The following EBF1 variants were observed in gnomAD, a reference collection of about 807,000 sequenced individuals.
EBF1 encodes the protein EBF transcription factor 1, also known as transcription factor COE1.
In EBF1, 10 loss-of-function variants were observed where a neutral mutation model predicts 68.4. That is an observed-to-expected ratio of 0.15 (90% CI 0.09 to 0.25). The LOEUF is 0.25. Ranked by LOEUF, EBF1 falls within the 10% of genes least tolerant of loss-of-function variation. EBF1 has a pLI of 1.00. For synonymous variants in EBF1, 298 were observed against 299.8 expected (o/e 0.99, Z 0.06); for missense variants, 509 against 794.4 (o/e 0.64, Z 4.32).
intron 10 of EBF1, among the ~76,000 whole-genome samples, chr5:158,746,940 A>G (rs534121328): frequency 1.3e-5 from 2 of 152,280 alleles, no homozygotes; most frequent in Admixed American, 1.3e-4. Context: ...AATATACTGG[A>G]TTGCATTTTT....
intron 9 of EBF1, among the ~76,000 whole-genome samples, chr5:158,789,704 AG>A (rs1170432316): frequency 6.6e-6 from 1 of 152,194 alleles, no homozygotes; most frequent in Non-Finnish European, 1.5e-5. Flanking sequence ...GACTGAAAAA[AG>A]GTTTCTCAAG....
chr5:159,066,390 C>G (rs888144478), intron 6 of EBF1, among the ~76,000 whole-genome samples: 1 of 152,094 alleles, frequency 6.6e-6, no homozygotes, highest in Non-Finnish European at 1.5e-5. Context: ...GCAACTGGAA[C>G]CAAGCACTTC....
chr5:158,776,546 T>C (rs969966639), intron 10 of EBF1, among the ~76,000 whole-genome samples: 3 of 152,174 alleles, frequency 2.0e-5, no homozygotes, highest in Non-Finnish European at 2.9e-5. Context: ...TGTGGTCTTT[T>C]ACTGAATGGA....
intron 7 of EBF1, among the ~76,000 whole-genome samples, chr5:158,832,575 T>C (rs17715000): frequency 0.55 from 83,878 of 152,054 alleles, 23,747 homozygotes; most frequent in South Asian, 0.7. Context: ...GTCAAAACAA[T>C]ATAACAATAT....
chr5:158,892,580 G>T (rs757738125), intron 6 of EBF1, among the ~76,000 whole-genome samples: 1 of 152,130 alleles, frequency 6.6e-6, no homozygotes, highest in African/African-American at 2.4e-5. Context: ...CGATGGGGTC[G>T]CAGTCAAAAC....
chr5:159,009,867 A>C (rs79060583), intron 6 of EBF1, among the ~76,000 whole-genome samples: 1,867 of 152,328 alleles, frequency 0.012, 43 homozygotes, highest in African/African-American at 0.043. Flanking sequence ...AAACGTGGAA[A>C]ACCTCAAAAT....
At chr5:158,883,365 CATACATACATGTATATAT>C (rs1386950139) in intron 6 of EBF1, among the ~76,000 whole-genome samples, 168 of 149,038 alleles carry the variant, frequency 1.1e-3, no homozygotes, top group African/African-American at 3.9e-3. Flanking sequence ...TATATATACA[CATACATACATGTATATAT>C]ATACATACAT....
At chr5:158,865,351 T>G (rs1407627499) in intron 6 of EBF1, among the ~76,000 whole-genome samples, 2 of 152,198 alleles carry the variant, frequency 1.3e-5, no homozygotes, top group Non-Finnish European at 2.9e-5. Context: ...ACTTATCAGT[T>G]GTGTGATCAT....
chr5:158,814,019 C>T lies in EBF1; in HGVS notation c.778+9157G>A, dbSNP rs371544051. On this transcript the variant is annotated intron_variant, in intron 8 of 15. Transcript: ENST00000313708. ...AATCAATGCAATTGGAATTATGATG[C>T]TTTTGTAACCAAATATAAGACAAAA... Among the ~76,000 whole-genome samples the T allele has an allele frequency of 8.5e-5, 13 of 152,234 alleles. 1 individual carries two copies. The East Asian group carries it at 1.4e-3, about 16-fold the overall frequency.
At chr5:158,812,124 G>A (rs1782786663) in intron 8 of EBF1, among the ~76,000 whole-genome samples, 1 of 152,126 alleles carries the variant, frequency 6.6e-6, no homozygotes, top group South Asian at 2.1e-4. Context: ...AACTGTCCCT[G>A]CCTTATCACC....
intron 6 of EBF1, among the ~76,000 whole-genome samples, chr5:158,901,305 T>C (rs1803263100): frequency 6.6e-6 from 1 of 152,236 alleles, no homozygotes; most frequent in African/African-American, 2.4e-5. Context: ...CGCTAAAGCT[T>C]GCTGTCTGAA....
At chr5:158,707,153 G>T (rs1758026306) in intron 15 of EBF1, among the ~76,000 whole-genome samples, 4 of 152,198 alleles carry the variant, frequency 2.6e-5, no homozygotes, top group Admixed American at 2.6e-4. Context: ...TCAAATAGCA[G>T]ATATGAGTAC....
chr5:159,035,000 G>A (rs1769739699), intron 6 of EBF1, among the ~76,000 whole-genome samples: 2 of 152,160 alleles, frequency 1.3e-5, no homozygotes, highest in South Asian at 2.1e-4. Flanking sequence ...GAACATCAAG[G>A]ATTAGGGGTA....
intron 6 of EBF1, among the ~76,000 whole-genome samples, chr5:158,969,919 A>AGAAAGAAAGAGG (rs199980397): frequency 6.6e-5 from 4 of 60,176 alleles, no homozygotes; most frequent in Non-Finnish European, 1.4e-4. Context: ...AAAGAAAGAA[A>AGAAAGAAAGAGG]AAAAAAAAAA....
intron 14 of EBF1, among the ~76,000 whole-genome samples, chr5:158,711,321 A>G (rs1759220057): frequency 6.6e-6 from 1 of 152,090 alleles, no homozygotes; most frequent in South Asian, 2.1e-4. Flanking sequence ...ATGAAGGGAG[A>G]GAAGTTAGGT....
chr5:159,034,960 C>A (rs1273540844), intron 6 of EBF1, among the ~76,000 whole-genome samples: 1 of 152,208 alleles, frequency 6.6e-6, no homozygotes, highest in Non-Finnish European at 1.5e-5. Flanking sequence ...TCTGGCTTCA[C>A]ATGGTGCTCT....
intron 4 of EBF1, among the ~76,000 whole-genome samples, chr5:159,094,549 C>G (rs1782237632): frequency 6.6e-6 from 1 of 151,996 alleles, no homozygotes. Context: ...CGTGGTGTAT[C>G]TAAAAATAAT....
chr5:159,012,160 G>T (rs376784647), intron 6 of EBF1, among the ~76,000 whole-genome samples: 5 of 152,098 alleles, frequency 3.3e-5, no homozygotes, highest in African/African-American at 1.2e-4. Context: ...GGTGGCACGC[G>T]CCTGTAATCC....
Position 158,948,240 on chromosome 5 carries a change from T to C in EBF1, c.555-108130A>G, listed in dbSNP as rs373605650. 1.4e-4 allele frequency among the ~76,000 whole-genome samples: 22 copies of C among 152,236 alleles called. 1 individual carries two copies. The highest frequency in any genetic ancestry group is 5.1e-4 in the African/African-American group (21 of 41,540). ...ATCTGGGTTCTTCTCACACACATGC[T>C]TGTCTCTGTGATGTAGGGGAGGCCC... is the stretch of plus-strand genomic sequence containing the variant. On this transcript the variant is annotated intron_variant, in intron 6 of 15. Transcript: ENST00000313708.
Sources: allele counts gnomAD v4.1 joint callset (sites outside exome capture counted in the v4.1 genomes callset), GRCh38; gene constraint gnomAD v4.1.1; transcripts MANE v1.5; gene names NCBI Gene and HGNC (gene_info 2026-07-23, HGNC 2026-07-21).